The following DZIP1 variants were observed in gnomAD, a reference collection of about 807,000 sequenced individuals.
DZIP1 encodes the protein cilium assembly protein DZIP1.
Under a neutral mutation model 107.6 loss-of-function variants are expected in DZIP1, and 97 were observed. The ratio of observed to expected loss-of-function variants is 0.90; its 90% CI spans 0.77 to 1.07. The LOEUF (loss-of-function observed/expected upper bound fraction) is 1.07, where lower values mean the gene tolerates loss of function less well. Among genes scored for constraint, DZIP1 ranks in the 50% least tolerant of loss-of-function variants. The probability of loss-of-function intolerance (pLI) is 0.00; values close to 1 mark genes in which losing one functional copy is unlikely to be tolerated. For synonymous variants in DZIP1, 390 were observed against 386.4 expected (o/e 1.01, Z -0.11); for missense variants, 1,035 against 1,063.6 (o/e 0.97, Z 0.37).
At chr13:95,612,413 A>G (rs1229403883) in intron 10 of DZIP1, among the ~76,000 whole-genome samples, 1 of 152,210 alleles carries the variant, frequency 6.6e-6, no homozygotes, top group Admixed American at 6.5e-5. Flanking sequence ...TAATGGGAGC[A>G]GCTTAGCCAA....
intron 19 of DZIP1, among the ~76,000 whole-genome samples, chr13:95,588,707 G>T (rs2044231093): frequency 6.6e-6 from 1 of 152,130 alleles, no homozygotes; most frequent in Admixed American, 6.6e-5. Flanking sequence ...AACTGGGCTA[G>T]GGTTTTTAGT....
At chr13:95,600,733 G>A (rs947273797) in intron 14 of DZIP1, among the ~76,000 whole-genome samples, 17 of 152,006 alleles carry the variant, frequency 1.1e-4, no homozygotes, top group Non-Finnish European at 2.4e-4. Context: ...TGGGAGAAAC[G>A]CATCTTAAAC....
intron 5 of DZIP1, among the ~76,000 whole-genome samples, chr13:95,637,368 A>C (rs1020276264): frequency 2.6e-5 from 4 of 152,144 alleles, no homozygotes; most frequent in Admixed American, 1.3e-4. Flanking sequence ...CCCTGACTCC[A>C]ACTGTGACTG....
intron 3 of DZIP1, 119 bp from the exon 4 acceptor site, chr13:95,642,360 G>A (rs1489302869): frequency 6.6e-6 from 2 of 305,146 alleles, no homozygotes; most frequent in Non-Finnish European, 1.2e-5. Flanking sequence ...TTTGGGGCTG[G>A]ACACTCCATG....
chr13:95,597,159 A>T (rs2044478704), intron 15 of DZIP1, among the ~76,000 whole-genome samples: 1 of 152,240 alleles, frequency 6.6e-6, no homozygotes, highest in African/African-American at 2.4e-5. Flanking sequence ...CTAAAAGCAC[A>T]GGCAGAGGGA....
At position 95,579,247 on chromosome 13, in the gene DZIP1, T is replaced by A. The variant is rs1699132628; in HGVS notation, c.*2987A>T. On this transcript the variant is annotated 3_prime_UTR_variant, in exon 23 of 23. Transcript: ENST00000376829. ...CTTCCAGAACCTGTTTACGGCTAAC[T>A]GGATAACTGAGAGACTTGTCATTTC... The A allele has an allele frequency of 6.6e-6, 1 of 152,224 alleles. No homozygotes were observed. Among genetic ancestry groups the A allele is most frequent in the Non-Finnish European group, 1.5e-5 (1 of 68,052 alleles). 9.4% of individuals were successfully genotyped at this position (152,224 alleles called of 1,614,324 possible).
intron 13 of DZIP1, among the ~76,000 whole-genome samples, chr13:95,606,721 G>A (rs958825482): frequency 3.3e-5 from 5 of 152,154 alleles, no homozygotes; most frequent in Admixed American, 3.3e-4. Flanking sequence ...AAATAAACCA[G>A]TTTTAAAAAG....
At chr13:95,600,428 C>T (rs2044578859) in intron 14 of DZIP1, among the ~76,000 whole-genome samples, 1 of 152,116 alleles carries the variant, frequency 6.6e-6, no homozygotes. Context: ...TTACCGAGTG[C>T]TCACCAGGAG....
intron 19 of DZIP1, among the ~76,000 whole-genome samples, chr13:95,588,807 C>T (rs946776117): frequency 4.6e-5 from 7 of 152,192 alleles, no homozygotes; most frequent in Non-Finnish European, 1.0e-4. Context: ...ACATTTAAAA[C>T]AAACTTACAC....
intron 5 of DZIP1, among the ~76,000 whole-genome samples, chr13:95,635,305 T>C (rs1317423453): frequency 2.0e-5 from 3 of 150,930 alleles, no homozygotes; most frequent in Non-Finnish European, 4.4e-5. Context: ...CAAGCGATTC[T>C]CCTGCCACAG....
Position 95,633,217 on chromosome 13 carries a change from CA to C in DZIP1, c.685+16del. ...GAGCAGGAAGAAAAGAGCTTTCAAA[CA>C]GAACTCATTACTCACCAAAATGAGA... On this transcript the variant is annotated intron_variant, in intron 6 of 22. Coordinates refer to ENST00000376829, the MANE Select transcript of DZIP1 (RefSeq NM_198968.4). The C allele has an allele frequency of 6.2e-7, 1 of 1,609,114 alleles. No homozygotes were observed. The highest frequency in any genetic ancestry group is 8.5e-7 in the Non-Finnish European group (1 of 1,175,750).
chr13:95,611,812 CAAATT>C (rs1236641402), intron 11 of DZIP1, among the ~76,000 whole-genome samples: 1 of 152,170 alleles, frequency 6.6e-6, no homozygotes, highest in African/African-American at 2.4e-5. Flanking sequence ...ACCTTCAAAT[CAAATT>C]AATTTTGAAC....
In DZIP1 at chr13:95,594,023, T is replaced by G; in HGVS notation, c.1601A>C (p.Asn534Thr). The G allele has an allele frequency of 6.2e-7, 1 of 1,611,246 alleles. No homozygotes were observed. Among genetic ancestry groups the G allele is most frequent in the Non-Finnish European group, 8.5e-7 (1 of 1,178,592 alleles). The change falls in exon 16 of 23, where the codon AAC (asparagine) becomes ACC (threonine). Residue 534 changes from asparagine to threonine, a missense_variant. Transcript: ENST00000376829. The stretch of plus-strand genomic sequence containing the variant: ...TCTTAGTCCCTTAGTGAGGGAGGAG[T>G]TACTCTTCAAAGCTTTCCTTAAATG... The part of the protein sequence containing the change: ...KMHLRKALKS[N>T]SSLTKGLRTM...
intron 5 of DZIP1, among the ~76,000 whole-genome samples, chr13:95,640,243 CCGCCT>C (rs1728723035): frequency 6.6e-6 from 1 of 152,100 alleles, no homozygotes; most frequent in Non-Finnish European, 1.5e-5. Context: ...CGTGATCCGC[CCGCCT>C]CGGCCTCCCA....
chr13:95,638,587 A>G (rs1386193904), intron 5 of DZIP1, among the ~76,000 whole-genome samples: 2 of 152,112 alleles, frequency 1.3e-5, no homozygotes, highest in Non-Finnish European at 2.9e-5. Flanking sequence ...TAAATAAAAT[A>G]TTGAGGAAAA....
intron 19 of DZIP1, 92 bp downstream of exon 19, chr13:95,589,062 T>C (rs946809004): frequency 9.8e-7 from 1 of 1,016,090 alleles, no homozygotes; most frequent in East Asian, 2.4e-5. Context: ...TACGGCTTCA[T>C]TCAACCATAA....
At chr13:95,635,198 CTTTTT>C (rs141715380) in intron 5 of DZIP1, among the ~76,000 whole-genome samples, 5 of 133,378 alleles carry the variant, frequency 3.7e-5, no homozygotes, top group Non-Finnish European at 4.7e-5. Context: ...TGCATATTTC[CTTTTT>C]TTTTTTTTTT....
intron 9 of DZIP1, 148 bp downstream of exon 9, chr13:95,622,195 A>T: frequency 3.2e-6 from 3 of 925,550 alleles, no homozygotes; most frequent in Non-Finnish European, 4.8e-6. Flanking sequence ...CTTATGATTT[A>T]GGCATGCTGT....
chr13:95,602,144 G>A (rs1347146930), intron 14 of DZIP1, among the ~76,000 whole-genome samples: 1 of 152,168 alleles, frequency 6.6e-6, no homozygotes, highest in Non-Finnish European at 1.5e-5. Flanking sequence ...CTCAACAGCT[G>A]CCATGAACGC....
Sources: allele counts gnomAD v4.1 joint callset (sites outside exome capture counted in the v4.1 genomes callset), GRCh38; gene constraint gnomAD v4.1.1; transcripts MANE v1.5; gene names NCBI Gene and HGNC (gene_info 2026-07-23, HGNC 2026-07-21).